The following TAFA1 variants were observed in gnomAD, a reference collection of about 807,000 sequenced individuals.
The protein encoded by TAFA1 is chemokine-like protein TAFA-1.
A neutral mutation model predicts 18.5 loss-of-function variants in TAFA1; 4 were observed. The observed-to-expected ratio is 0.22, with a 90% CI of 0.11 to 0.49. The LOEUF is 0.49. Ranked by LOEUF, TAFA1 falls within the 20% of genes least tolerant of loss-of-function variation. TAFA1 has a pLI of 0.98. For missense variants in TAFA1, 147 were observed against 169.0 expected, an observed-to-expected ratio of 0.87 and a Z score of 0.72; for synonymous variants, 56 against 55.2, an observed-to-expected ratio of 1.01 and a Z score of -0.06.
intron 3 of TAFA1, among the ~76,000 whole-genome samples, chr3:68,484,220 T>C (rs995335717): frequency 2.0e-5 from 3 of 152,254 alleles, no homozygotes; most frequent in South Asian, 2.1e-4. Flanking sequence ...TTTAGACTTA[T>C]AGCGTATCTC....
the TAFA1 span, among the ~76,000 whole-genome samples, chr3:67,995,573 G>A: frequency 0.019 from 2,908 of 152,106 alleles, 84 homozygotes; most frequent in African/African-American, 0.066. Context: ...CCAGAGCTGG[G>A]ACTCCCAGAG....
intron 2 of TAFA1, among the ~76,000 whole-genome samples, chr3:68,168,144 C>A (rs199549462): frequency 7.9e-3 from 921 of 115,998 alleles, no homozygotes; most frequent in Admixed American, 9.6e-3. Context: ...TTTTCAGATA[C>A]AAAAAAAAAA....
intron 2 of TAFA1, among the ~76,000 whole-genome samples, chr3:68,070,938 C>G: frequency 6.6e-6 from 1 of 152,206 alleles, no homozygotes; most frequent in East Asian, 1.9e-4. Flanking sequence ...TGTTCAAAGC[C>G]ATTCAACAAG....
intron 2 of TAFA1, among the ~76,000 whole-genome samples, chr3:68,396,295 A>C (rs1042801268): frequency 3.9e-5 from 6 of 152,240 alleles, no homozygotes; most frequent in African/African-American, 1.4e-4. Flanking sequence ...ATTTCCATTA[A>C]CTGAACTCAC....
At position 68,404,875 on chromosome 3, in the gene TAFA1, C is replaced by T. The variant is rs567845840; in HGVS notation, c.119-12405C>T. Among the ~76,000 whole-genome samples, 57 of 151,796 alleles carry T rather than the reference C, an allele frequency of 3.8e-4. No homozygotes were observed. In the South Asian group the frequency reaches 9.0e-3, roughly 24 times the overall value. On this transcript the variant is annotated intron_variant, in intron 2 of 4. Transcript: ENST00000478136. ...ATGGCTCAGCAAGAGGACCAACTGA[C>T]GGGCATCTGGCCCTAAAGTGGACAG...
chr3:68,254,865 GT>G (rs1392131919), intron 2 of TAFA1, among the ~76,000 whole-genome samples: 1 of 152,114 alleles, frequency 6.6e-6, no homozygotes, highest in African/African-American at 2.4e-5. Flanking sequence ...CCTGCCAGCA[GT>G]AAGCCAAACC....
At chr3:68,521,854 C>CTTTTT (rs1171497150) in intron 3 of TAFA1, among the ~76,000 whole-genome samples, 7 of 26,096 alleles carry the variant, frequency 2.7e-4, no homozygotes, top group Non-Finnish European at 4.4e-4. Flanking sequence ...GTGTTTTTTT[C>CTTTTT]TGTTTTTTTT....
At chr3:68,139,856 G>A (rs974880566) in intron 2 of TAFA1, among the ~76,000 whole-genome samples, 12 of 152,168 alleles carry the variant, frequency 7.9e-5, no homozygotes, top group Non-Finnish European at 1.2e-4. Context: ...AGTACAAGTT[G>A]TTTATTATTG....
chr3:68,387,347 G>C (rs1168773220), intron 2 of TAFA1, among the ~76,000 whole-genome samples: 1 of 152,074 alleles, frequency 6.6e-6, no homozygotes, highest in African/African-American at 2.4e-5. Context: ...GAGATTATTG[G>C]AGTTCTCCAG....
At chr3:68,201,671 C>T (rs943827607) in intron 2 of TAFA1, among the ~76,000 whole-genome samples, 4 of 151,646 alleles carry the variant, frequency 2.6e-5, no homozygotes, top group South Asian at 4.2e-4. Context: ...TGTAGCCTGC[C>T]CTGTCTGAAA....
At position 68,305,409 on chromosome 3, in the gene TAFA1, C is replaced by CTATA. The variant is rs773025236; in HGVS notation, c.119-111826_119-111823dup. On this transcript the variant is annotated intron_variant, in intron 2 of 4. Transcript: ENST00000478136. ...TATATGACTATATATGACTATATGA[C>CTATA]TATATATATATATATATATATATAT... Among the ~76,000 whole-genome samples the CTATA allele has an allele frequency of 4.5e-3, 173 of 38,140 alleles. 14 individuals are homozygous for CTATA. Among genetic ancestry groups the CTATA allele is most frequent in the African/African-American group, 5.2e-3 (42 of 8,022 alleles). 25.0% of individuals were successfully genotyped at this position (38,140 alleles called of 152,430 possible).
At chr3:68,530,672 C>G (rs547468483) in intron 3 of TAFA1, among the ~76,000 whole-genome samples, 2 of 152,188 alleles carry the variant, frequency 1.3e-5, no homozygotes, top group Admixed American at 1.3e-4. Flanking sequence ...TATGCATCTA[C>G]CTCACAAGTT....
chr3:67,997,148 A>C, the TAFA1 span, among the ~76,000 whole-genome samples: 1 of 152,228 alleles, frequency 6.6e-6, no homozygotes, highest in African/African-American at 2.4e-5. Flanking sequence ...AGAATGTTTC[A>C]ATAGAATTCT....
chr3:68,401,897 G>C (rs187577878), intron 2 of TAFA1, among the ~76,000 whole-genome samples: 8 of 152,288 alleles, frequency 5.3e-5, no homozygotes, highest in African/African-American at 1.9e-4. Context: ...AGGACTGTTT[G>C]CTGGGCAGGC....
intron 2 of TAFA1, among the ~76,000 whole-genome samples, chr3:68,031,325 C>T (rs1704930448): frequency 6.6e-6 from 1 of 152,104 alleles, no homozygotes; most frequent in African/African-American, 2.4e-5. Flanking sequence ...TCTTATATCC[C>T]ATCTGGGTTC....
chr3:68,311,420 C>T (rs1443207812), intron 2 of TAFA1, among the ~76,000 whole-genome samples: 1 of 152,234 alleles, frequency 6.6e-6, no homozygotes, highest in East Asian at 1.9e-4. Context: ...AACTCCCTTC[C>T]ACCTATGAAC....
rs141106451 is a variant in TAFA1, at chr3:68,184,711, C to A, written c.118+177967C>A. On this transcript the variant is annotated intron_variant, in intron 2 of 4. Coordinates refer to ENST00000478136, the MANE Select transcript of TAFA1 (RefSeq NM_213609.4). ...ATTAAATGAGCAAAGGTTAACTACT[C>A]ACTCATGTGAAATTGCTCTAGAGAA... is the stretch of plus-strand genomic sequence containing the variant. Among the ~76,000 whole-genome samples the A allele has an allele frequency of 1.8e-3, 267 of 152,242 alleles. 1 individual carries two copies. The highest frequency in any genetic ancestry group is 6.8e-3 in the Middle Eastern group (2 of 294).
intron 2 of TAFA1, among the ~76,000 whole-genome samples, chr3:68,038,755 C>T (rs79293045): frequency 4.5e-4 from 68 of 152,144 alleles, no homozygotes; most frequent in African/African-American, 1.6e-3. Context: ...TAAACAACAA[C>T]CCTAGTTTCT....
intron 3 of TAFA1, among the ~76,000 whole-genome samples, chr3:68,460,607 C>T (rs2071757097): frequency 6.6e-6 from 1 of 152,190 alleles, no homozygotes; most frequent in Non-Finnish European, 1.5e-5. Flanking sequence ...TTCAGAGCAT[C>T]TCTCGCTCCT....
Sources: allele counts gnomAD v4.1 joint callset (sites outside exome capture counted in the v4.1 genomes callset), GRCh38; gene constraint gnomAD v4.1.1; transcripts MANE v1.5; gene names NCBI Gene and HGNC (gene_info 2026-07-23, HGNC 2026-07-21).